RCOR1: variants seen among roughly 807,000 people sequenced by gnomAD.
RCOR1 encodes REST corepressor.
Under a neutral mutation model 64.0 loss-of-function variants are expected in RCOR1, and 12 were observed. The ratio of observed to expected loss-of-function variants is 0.19; its 90% CI spans 0.12 to 0.30. The LOEUF (loss-of-function observed/expected upper bound fraction) is 0.30. Ranked by LOEUF, RCOR1 falls within the 10% of genes least tolerant of loss-of-function variation. The probability of loss-of-function intolerance (pLI) is 1.00; values close to 1 mark genes in which losing one functional copy is unlikely to be tolerated. For missense variants in RCOR1, 502 were observed against 621.2 expected, an observed-to-expected ratio of 0.81 and a Z score of 2.04; for synonymous variants, 279 against 227.2, an observed-to-expected ratio of 1.23 and a Z score of -2.05.
intron 2 of RCOR1, chr14:102,649,813 A>T (rs1894548105): frequency 1.0e-6 from 1 of 981,616 alleles, no homozygotes. Flanking sequence ...GGTTGACGAA[A>T]TTGGCATTAG....
chr14:102,674,994 G>T (rs573543182), intron 2 of RCOR1, among the ~76,000 whole-genome samples: 1 of 140,236 alleles, frequency 7.1e-6, no homozygotes, highest in Non-Finnish European at 1.5e-5. Flanking sequence ...GGCGGAGCTT[G>T]CAGTGAGCCA....
At chr14:102,676,833 C>A (rs1156631020) in intron 2 of RCOR1, among the ~76,000 whole-genome samples, 2 of 91,644 alleles carry the variant, frequency 2.2e-5, no homozygotes. Context: ...ACCTCCCGGA[C>A]GGGGCGGCTG....
At chr14:102,678,120 G>T (rs1458549739) in intron 2 of RCOR1, among the ~76,000 whole-genome samples, 20 of 151,864 alleles carry the variant, frequency 1.3e-4, no homozygotes, top group Non-Finnish European at 2.5e-4. Context: ...GGAGAATCAG[G>T]CAGGGAGGTT....
chr14:102,619,827 T>C (rs1893836733), intron 2 of RCOR1, among the ~76,000 whole-genome samples: 1 of 152,234 alleles, frequency 6.6e-6, no homozygotes. Context: ...TTGTAAGTTA[T>C]GTACACCTCA....
rs1424571812 is a variant in RCOR1 at position 102,649,826 on chromosome 14, A to G, written c.362-32069A>G. 4 of 968,858 alleles carry G rather than the reference A, an allele frequency of 4.1e-6. No individual in the cohort carries two copies. The Admixed American group carries it at 1.8e-4, about 45-fold the overall frequency. The allele number at this position is 968,858 out of a possible 1,614,324, so 60.0% of individuals were successfully genotyped here. A position where few individuals can be genotyped will look rare whatever the true frequency, so the allele number is the denominator to read the frequency against. On this transcript the variant is annotated intron_variant, in intron 2 of 11. Coordinates refer to ENST00000262241, the MANE Select transcript of RCOR1 (RefSeq NM_015156.4). ...CTGGTTGACGAAATTGGCATTAGGA[A>G]TGATCCTCAAGAAAATGAATTGGTT...
At position 102,592,960 on chromosome 14, in the gene RCOR1, C is replaced by A; in HGVS notation, c.74C>A (p.Ala25Asp). ...RRGRNNAAAS[A>D]SAAAASAAAS... ...GGGAGGAACAACGCGGCCGCCTCCG[C>A]CTCCGCCGCCGCCGCCTCCGCCGCC... Residue 25 changes from alanine (A) to aspartate (D), a missense_variant, in exon 1 of 12, where the codon GCC becomes GAC. Around this residue, in one of 2 missense-constraint regions of RCOR1, gnomAD observed 242 missense variants for 204.9 expected, o/e 1.18. Transcript: ENST00000262241. 1.7e-6 allele frequency: 2 copies of A among 1,172,968 alleles called. No individual in the cohort carries two copies. Among genetic ancestry groups the A allele is most frequent in the Non-Finnish European group, 1.1e-6 (1 of 945,268 alleles). The allele number at this position is 1,172,968 out of a possible 1,614,324, so 72.7% of individuals were successfully genotyped here. A position where few individuals can be genotyped will look rare whatever the true frequency, so the allele number is the denominator to read the frequency against.
At chr14:102,677,190 C>T (rs1056322136) in intron 2 of RCOR1, among the ~76,000 whole-genome samples, 4 of 120,520 alleles carry the variant, frequency 3.3e-5, no homozygotes, top group South Asian at 2.9e-4. Flanking sequence ...CCGGACGGGG[C>T]GGCTGGCCGG....
At position 102,628,961 on chromosome 14, in the gene RCOR1, G is replaced by C. The variant is rs539353528; in HGVS notation, c.361+35636G>C. Reference sequence around the variant, plus strand: ...GCTGGAGTGCAGTGGCATGATCTCTGCTCACTGCAAACTCCACCTCCTGGG... The same window carrying C: ...GCTGGAGTGCAGTGGCATGATCTCTCCTCACTGCAAACTCCACCTCCTGGG... On this transcript the variant is annotated intron_variant, in intron 2 of 11. Transcript: ENST00000262241. Among the ~76,000 whole-genome samples, 6 of 147,254 alleles carry C rather than the reference G, an allele frequency of 4.1e-5. No individual in the cohort carries two copies. The East Asian group carries it at 5.9e-4, about 15-fold the overall frequency.
intron 2 of RCOR1, among the ~76,000 whole-genome samples, chr14:102,628,373 C>T (rs992685292): frequency 3.9e-5 from 6 of 152,156 alleles, no homozygotes; most frequent in Non-Finnish European, 5.9e-5. Flanking sequence ...ACCTTTTCTT[C>T]ACTTGACATT....
At chr14:102,682,430 A>G (rs1346872599) in intron 3 of RCOR1, among the ~76,000 whole-genome samples, 1 of 152,176 alleles carries the variant, frequency 6.6e-6, no homozygotes, top group African/African-American at 2.4e-5. Flanking sequence ...GCGCCCTGTG[A>G]TCTGTTCCAT....
In RCOR1 at chr14:102,592,865, C is replaced by G. The variant is rs1187441632; in HGVS notation, c.-22C>G. On this transcript the variant is annotated 5_prime_UTR_variant, in exon 1 of 12. Coordinates refer to ENST00000262241, the MANE Select transcript of RCOR1 (RefSeq NM_015156.4). ...AGGAGCCGCGGGTCCCCGCCACTTT[C>G]GCACGGCCCCGGCCCCCGCCGATGC... The G allele has an allele frequency of 8.4e-5, 99 of 1,184,572 alleles. No homozygotes were observed. Among genetic ancestry groups the G allele is most frequent in the Non-Finnish European group, 9.4e-5 (90 of 959,818 alleles). 73.4% of individuals were successfully genotyped at this position (1,184,572 alleles called of 1,614,324 possible).
chr14:102,609,344 G>T (rs938516218), intron 2 of RCOR1, among the ~76,000 whole-genome samples: 1 of 151,944 alleles, frequency 6.6e-6, no homozygotes, highest in Non-Finnish European at 1.5e-5. Context: ...TGCCTGGTCT[G>T]TGCTTAACTT....
chr14:102,686,559 C>T (rs1187668673), intron 3 of RCOR1, among the ~76,000 whole-genome samples: 1 of 152,228 alleles, frequency 6.6e-6, no homozygotes, highest in Non-Finnish European at 1.5e-5. Flanking sequence ...ATCATCGTTT[C>T]ACTGGTTTAA....
chr14:102,593,284 T>C lies in RCOR1; in HGVS notation c.320T>C (p.Val107Ala). The change falls in exon 2 of 12, where the codon GTC (valine) becomes GCC (alanine). Residue 107 changes from valine to alanine, a missense_variant. Val to Ala is a moderately conservative substitution (Grantham distance 64). Transcript: ENST00000262241. ...DEEHGGGGMR[V>A]GPQYQAVVPD... is the part of the protein sequence containing the mutation. Reference sequence around the variant, plus strand: ...CCCGCAGGTGGCGGTGGCATGAGGGTCGGACCCCAGTACCAGGCGGTGGTG... The same window carrying C: ...CCCGCAGGTGGCGGTGGCATGAGGGCCGGACCCCAGTACCAGGCGGTGGTG... The C allele has an allele frequency of 6.5e-7, 1 of 1,542,336 alleles. No homozygotes were observed.
At chr14:102,667,141 G>A (rs768178207) in intron 2 of RCOR1, among the ~76,000 whole-genome samples, 251 of 152,028 alleles carry the variant, frequency 1.7e-3, no homozygotes, top group Middle Eastern at 6.8e-3. Context: ...TTGAGGCTGC[G>A]GTGAGCTATG....
At chr14:102,719,418 G>GC (rs1404607878) in intron 8 of RCOR1, among the ~76,000 whole-genome samples, 2 of 152,022 alleles carry the variant, frequency 1.3e-5, no homozygotes, top group African/African-American at 4.8e-5. Flanking sequence ...CCCACGACAG[G>GC]CCCCGGTGTG....
At chr14:102,637,900 A>T (rs1358703460) in intron 2 of RCOR1, among the ~76,000 whole-genome samples, 3 of 152,182 alleles carry the variant, frequency 2.0e-5, no homozygotes, top group Admixed American at 2.0e-4. Context: ...GTTGTGTCTT[A>T]CAGTGTTCAA....
At chr14:102,656,894 G>A (rs1894738914) in intron 2 of RCOR1, among the ~76,000 whole-genome samples, 1 of 151,464 alleles carries the variant, frequency 6.6e-6, no homozygotes, top group Non-Finnish European at 1.5e-5. Context: ...TCTTGCCTCA[G>A]CCTCCCAAGC....
rs191480332 is a variant in RCOR1 at position 102,713,529 on chromosome 14, G to A, written c.859-894G>A. Among the ~76,000 whole-genome samples the A allele has an allele frequency of 4.6e-5, 7 of 151,546 alleles. No homozygotes were observed. In the East Asian group the frequency reaches 5.9e-4, roughly 13 times the overall value. On this transcript the variant is annotated intron_variant, in intron 7 of 11. Coordinates refer to ENST00000262241, the MANE Select transcript of RCOR1 (RefSeq NM_015156.4). ...AATCTCCTGACTTCGTGATCCGCCC[G>A]CCTCAGCCTCCCAAAGTGCTGGGAT...
Sources: allele counts gnomAD v4.1 joint callset (sites outside exome capture counted in the v4.1 genomes callset), GRCh38; gene constraint gnomAD v4.1.1; regional missense constraint gnomAD v4.1.1; transcripts MANE v1.5; gene names NCBI Gene and HGNC (gene_info 2026-07-23, HGNC 2026-07-21).